The following NCK2 variants were observed in gnomAD, a reference collection of about 807,000 sequenced individuals.
NCK2 encodes the protein cytoplasmic protein NCK2.
A neutral mutation model predicts 33.9 loss-of-function variants in NCK2; 16 were observed. That is an observed-to-expected ratio of 0.47 (90% CI 0.32 to 0.72). NCK2 has a LOEUF of 0.72. NCK2 is among the 30% of genes least tolerant of loss of function. The probability of loss-of-function intolerance (pLI) is 0.03; values close to 1 mark genes in which losing one functional copy is unlikely to be tolerated. For synonymous variants in NCK2, 273 were observed against 239.9 expected, an observed-to-expected ratio of 1.14 and a Z score of -1.27; for missense variants, 418 against 537.3, an observed-to-expected ratio of 0.78 and a Z score of 2.19.
chr2:105,844,448 G>A lies in NCK2; in HGVS notation c.-16-10600G>A, dbSNP rs140999194. On this transcript the variant is annotated intron_variant, in intron 2 of 4. Coordinates refer to ENST00000233154, the MANE Select transcript of NCK2 (RefSeq NM_003581.5). ...AGTCTAAAAAATATTTTTGGGCCAG[G>A]CATGGTGGCTCACGCCTGTAATCTC... 1.6e-3 allele frequency among the ~76,000 whole-genome samples: 245 copies of A among 152,056 alleles called. 1 individual carries two copies. The highest frequency in any genetic ancestry group is 5.0e-3 in the African/African-American group (208 of 41,438).
At chr2:105,868,490 A>G (rs538232115) in intron 3 of NCK2, among the ~76,000 whole-genome samples, 1 of 152,322 alleles carries the variant, frequency 6.6e-6, no homozygotes, top group South Asian at 2.1e-4. Flanking sequence ...TTTAAGGAAC[A>G]TAGTTGTTGA....
intron 3 of NCK2, among the ~76,000 whole-genome samples, chr2:105,860,387 C>T (rs1273310815): frequency 1.3e-5 from 2 of 152,302 alleles, no homozygotes; most frequent in Non-Finnish European, 2.9e-5. Flanking sequence ...CACCAAGTGC[C>T]AGCCTCCGTC....
intron 2 of NCK2, among the ~76,000 whole-genome samples, chr2:105,848,849 G>A (rs772156881): frequency 6.6e-6 from 1 of 152,224 alleles, no homozygotes; most frequent in East Asian, 1.9e-4. Flanking sequence ...CAGCGAAGTA[G>A]ATTGTGTTAT....
intron 1 of NCK2, among the ~76,000 whole-genome samples, chr2:105,751,408 G>C (rs1270257871): frequency 6.6e-6 from 1 of 152,150 alleles, no homozygotes; most frequent in Non-Finnish European, 1.5e-5. Flanking sequence ...CTGACAGTCA[G>C]GTCTGGCCAT....
intron 1 of NCK2, among the ~76,000 whole-genome samples, chr2:105,790,232 A>C (rs1220101235): frequency 1.3e-5 from 2 of 152,188 alleles, no homozygotes; most frequent in Non-Finnish European, 2.9e-5. Context: ...TGTCATTAGG[A>C]TCTGTTGATT....
intron 1 of NCK2, among the ~76,000 whole-genome samples, chr2:105,754,428 C>T (rs1356692027): frequency 6.6e-6 from 1 of 152,112 alleles, no homozygotes; most frequent in Non-Finnish European, 1.5e-5. Context: ...GTTATGTCTC[C>T]CATTTAATAT....
chr2:105,810,149 C>G (rs17031815), intron 1 of NCK2, among the ~76,000 whole-genome samples: 46,039 of 152,100 alleles, frequency 0.3, 7,490 homozygotes, highest in Non-Finnish European at 0.36. Context: ...GGAATTTTAT[C>G]TAAAGCTGTG....
In NCK2 at chr2:105,807,669, T is replaced by A. The variant is rs186474845; in HGVS notation, c.-200-8761T>A. On this transcript the variant is annotated intron_variant, in intron 1 of 4. Transcript: ENST00000233154. ...GATCTGACCCACAAGGTAGTTGTTT[T>A]TTTCAACCTCTCTCCTTTTTTTTTT... Among the ~76,000 whole-genome samples the A allele has an allele frequency of 5.9e-5, 9 of 151,996 alleles. No homozygotes were observed. In the East Asian group the frequency reaches 1.7e-3, roughly 29 times the overall value.
chr2:105,768,747 AGT>A (rs1299055971), intron 1 of NCK2, among the ~76,000 whole-genome samples: 1 of 152,162 alleles, frequency 6.6e-6, no homozygotes, highest in Non-Finnish European at 1.5e-5. Flanking sequence ...TGATTCTTAC[AGT>A]GTGTGTGGCC....
chr2:105,841,327 A>C (rs958639265), intron 2 of NCK2, among the ~76,000 whole-genome samples: 1 of 152,202 alleles, frequency 6.6e-6, no homozygotes, highest in Non-Finnish European at 1.5e-5. Context: ...GAAAAGCCCT[A>C]AAGTTGGCTT....
In NCK2 at chr2:105,893,068, G is replaced by A. The variant is rs1187821770; in HGVS notation, c.1035G>A (p.Gly345=). 32 of 1,614,154 alleles carry A rather than the reference G, an allele frequency of 2.0e-5. No homozygotes were observed. Among genetic ancestry groups the A allele is most frequent in the East Asian group, 4.5e-5 (2 of 44,860 alleles). The part of the protein sequence containing the change: ...VQLVDNVYCI[G]QRRFHTMDEL... ...TCGTGGACAATGTCTACTGCATTGG[G>A]CAGCGGCGCTTCCACACCATGGACG... The change falls in exon 5 of 5, where the codon GGG becomes GGA. Residue 345 remains glycine, a synonymous_variant. Transcript: ENST00000233154.
chr2:105,809,788 G>C (rs1201423042), intron 1 of NCK2, among the ~76,000 whole-genome samples: 2 of 152,162 alleles, frequency 1.3e-5, no homozygotes, highest in African/African-American at 2.4e-5. Flanking sequence ...GCGTTTAACT[G>C]TCCATGGAGC....
chr2:105,748,481 T>TTCAGGCAATCTTCCCACC (rs988316359), intron 1 of NCK2, among the ~76,000 whole-genome samples: 2 of 152,062 alleles, frequency 1.3e-5, no homozygotes, highest in Non-Finnish European at 2.9e-5. Flanking sequence ...AGCTTCTGGG[T>TTCAGGCAATCTTCCCACC]TCAGGCAATC....
At chr2:105,818,434 TATATA>T (rs1476156340) in intron 2 of NCK2, among the ~76,000 whole-genome samples, 2 of 151,640 alleles carry the variant, frequency 1.3e-5, no homozygotes, top group Non-Finnish European at 2.9e-5. Context: ...GTAATAAAAA[TATATA>T]TATATAAAAA....
chr2:105,838,238 A>T (rs1415298759), intron 2 of NCK2, among the ~76,000 whole-genome samples: 1 of 152,230 alleles, frequency 6.6e-6, no homozygotes, highest in South Asian at 2.1e-4. Context: ...GTTCAGCAGC[A>T]TATTTTAAAA....
intron 1 of NCK2, among the ~76,000 whole-genome samples, chr2:105,754,263 A>T (rs1184243430): frequency 2.0e-5 from 3 of 152,232 alleles, no homozygotes; most frequent in African/African-American, 7.2e-5. Context: ...TTACTTCAAC[A>T]TGCTTAATTT....
At chr2:105,858,821 G>A (rs1381335089) in intron 3 of NCK2, among the ~76,000 whole-genome samples, 2 of 152,198 alleles carry the variant, frequency 1.3e-5, no homozygotes, top group African/African-American at 2.4e-5. Flanking sequence ...TTCTTTCTCT[G>A]CAATAATTTA....
At chr2:105,835,388 C>CATATATATATACATATATATGTATGTAT (rs1558861816) in intron 2 of NCK2, among the ~76,000 whole-genome samples, 1 of 52,114 alleles carries the variant, frequency 1.9e-5, no homozygotes, top group South Asian at 7.2e-4. Context: ...TATATATACA[C>CATATATATATACATATATATGTATGTAT]ATATATATAT....
rs1167889415 is a variant in NCK2, at chr2:105,816,493, T to A, written c.-137T>A. ...TATAATTCTCTGCTGAGATTTGAGT[T>A]GGATTTGAGGATTTGGAGAATCCCT... On this transcript the variant is annotated 5_prime_UTR_variant, in exon 2 of 5. An upstream open reading frame in the 5' UTR gains an earlier in-frame stop. Coordinates refer to ENST00000233154, the MANE Select transcript of NCK2 (RefSeq NM_003581.5). 6.6e-6 allele frequency: 1 copy of A among 152,204 alleles called. No individual in the cohort carries two copies. The highest frequency in any genetic ancestry group is 1.5e-5 in the Non-Finnish European group (1 of 68,036). The allele number at this position is 152,204 out of a possible 1,614,324, so 9.4% of individuals were successfully genotyped here.
Sources: allele counts gnomAD v4.1 joint callset (sites outside exome capture counted in the v4.1 genomes callset), GRCh38; gene constraint gnomAD v4.1.1; transcripts MANE v1.5; gene names NCBI Gene and HGNC (gene_info 2026-07-23, HGNC 2026-07-21).